Variants in AXDND1 observed in about 807,000 individuals in gnomAD.
AXDND1 encodes the protein axonemal dynein light chain domain containing 1, also known as axonemal dynein light chain domain-containing protein 1.
A neutral mutation model predicts 137.5 loss-of-function variants in AXDND1; 110 were observed. That is an observed-to-expected ratio of 0.80 (90% CI 0.69 to 0.94). The LOEUF (loss-of-function observed/expected upper bound fraction) is 0.94. Among genes scored for constraint, AXDND1 ranks in the 40% least tolerant of loss-of-function variants. The pLI is 0.00. For synonymous variants in AXDND1, 414 were observed against 399.7 expected (o/e 1.04, Z -0.43); for missense variants, 1,191 against 1,169.8 (o/e 1.02, Z -0.26).
intron 16 of AXDND1, among the ~76,000 whole-genome samples, chr1:179,465,738 G>C (rs550995370): frequency 6.6e-6 from 1 of 152,366 alleles, no homozygotes; most frequent in East Asian, 1.9e-4. Flanking sequence ...TGCAGAGGCA[G>C]GTGGGCCTCC....
At chr1:179,423,542 G>T (rs6425543) in intron 12 of AXDND1, among the ~76,000 whole-genome samples, 1 of 151,730 alleles carries the variant, frequency 6.6e-6, no homozygotes, top group Non-Finnish European at 1.5e-5. Flanking sequence ...TGATTAAGTG[G>T]TTATCTCTGA....
chr1:179,473,250 C>G (rs1404779162), intron 17 of AXDND1, among the ~76,000 whole-genome samples: 1 of 152,128 alleles, frequency 6.6e-6, no homozygotes, highest in African/African-American at 2.4e-5. Flanking sequence ...AATCCCAGCA[C>G]TTTGGGAGGC....
At chr1:179,458,323 T>G (rs1661717249) in intron 16 of AXDND1, among the ~76,000 whole-genome samples, 1 of 152,138 alleles carries the variant, frequency 6.6e-6, no homozygotes, top group Admixed American at 6.6e-5. Context: ...TAAGTTTTAT[T>G]TAAACTTTAA....
intron 16 of AXDND1, 116 bp from the exon 17 acceptor site, chr1:179,468,327 G>C: frequency 1.4e-6 from 1 of 701,730 alleles, no homozygotes; most frequent in Non-Finnish European, 2.3e-6. Context: ...CAAGCTGTAG[G>C]ATAATAAAAG....
At chr1:179,515,580 C>T (rs2125657636) in intron 21 of AXDND1, among the ~76,000 whole-genome samples, 1 of 152,208 alleles carries the variant, frequency 6.6e-6, no homozygotes, top group Middle Eastern at 3.4e-3. Flanking sequence ...ATGAATTTCC[C>T]AGGTGTTCTT....
chr1:179,422,655 G>A (rs374641239), intron 12 of AXDND1, among the ~76,000 whole-genome samples: 63 of 152,262 alleles, frequency 4.1e-4, no homozygotes, highest in African/African-American at 1.4e-3. Context: ...GGCCTATTAG[G>A]TCCAGTGTGT....
In AXDND1 at chr1:179,370,077, A is replaced by T; in HGVS notation, c.373A>T (p.Arg125Trp). 2 of 1,602,392 alleles carry T rather than the reference A, an allele frequency of 1.2e-6. No homozygotes were observed. The highest frequency in any genetic ancestry group is 1.7e-6 in the Non-Finnish European group (2 of 1,170,006). Residue 125 changes from arginine (R) to tryptophan (W), a missense_variant and splice_region_variant, in exon 4 of 26, where the codon AGG becomes TGG. Arg to Trp is a moderately radical substitution (Grantham distance 101). Coordinates refer to ENST00000367618, the MANE Select transcript of AXDND1 (RefSeq NM_144696.6). ...DHPVSLTGAG[R>W]DISFLYDVTY... is the part of the protein sequence containing the mutation. ...TCCCGTCTCCCTCACAGGAGCTGGA[A>T]GGTAAAGAAGGAAGATAGTAGGATA...
intron 16 of AXDND1, chr1:179,448,377 TA>T: frequency 1.5e-6 from 1 of 667,970 alleles, no homozygotes; most frequent in East Asian, 2.8e-5. Context: ...TCTCTCTTTG[TA>T]AAAGTGGCCT....
chr1:179,447,166 A>G (rs1289192282), intron 16 of AXDND1, among the ~76,000 whole-genome samples: 2 of 152,108 alleles, frequency 1.3e-5, no homozygotes, highest in Non-Finnish European at 2.9e-5. Flanking sequence ...TATTTGTTCT[A>G]TCTAAGTGTA....
chr1:179,369,998 C>CCGA lies in AXDND1; in HGVS notation c.295_296insGAC (p.Asp98_His99insArg). 1 of 1,613,968 alleles carries CCGA rather than the reference C, an allele frequency of 6.2e-7. No individual in the cohort carries two copies. On this transcript the variant is annotated inframe_insertion, in exon 4 of 26. Coordinates refer to ENST00000367618, the MANE Select transcript of AXDND1 (RefSeq NM_144696.6). ...AGGGCACTCTTCCACGCCTTGTAGACCATGTCTGGCATCACCCTGTTCGAA... is the reference window on the plus strand; with the variant it reads ...AGGGCACTCTTCCACGCCTTGTAGACCGACATGTCTGGCATCACCCTGTTCGAA...
At position 179,468,630 on chromosome 1, in the gene AXDND1, G is replaced by A. The variant is rs1305276804; in HGVS notation, c.1986G>A (p.Val662=). ...GTATTGTTCCACAGCACATAGATGT[G>A]GATTCTGTTTCGTAAGTTCCCATAG... ...LTGIVPQHID[V]DSVSVLQAYI... Residue 662 remains valine, a synonymous_variant, in exon 17 of 26, where the codon GTG becomes GTA. Transcript: ENST00000367618. The A allele has an allele frequency of 1.9e-6, 3 of 1,594,814 alleles. No homozygotes were observed. The African/African-American group carries it at 4.1e-5, about 22-fold the overall frequency.
Position 179,370,044 on chromosome 1 carries a change from A to G in AXDND1, c.340A>G (p.Ile114Val), listed in dbSNP as rs1248472299. Reference protein sequence around the residue: ...PVRRNKFKYLIDHPVSLTGAG... With the variant: ...PVRRNKFKYLVDHPVSLTGAG... ...TCGAAGGAATAAATTCAAATACCTG[A>G]TTGACCATCCCGTCTCCCTCACAGG... Residue 114 changes from isoleucine to valine, a missense_variant, in exon 4 of 26, where the codon ATT becomes GTT. Transcript: ENST00000367618. 1 of 1,613,890 alleles carries G rather than the reference A, an allele frequency of 6.2e-7. No individual in the cohort carries two copies. The highest frequency in any genetic ancestry group is 8.5e-7 in the Non-Finnish European group (1 of 1,179,840).
chr1:179,528,260 C>G, intron 22 of AXDND1, 67 bp from the exon 23 acceptor site: 1 of 1,107,930 alleles, frequency 9.0e-7, no homozygotes, highest in Admixed American at 1.9e-5. Flanking sequence ...AACTTGCTAC[C>G]GTGCCAGGAA....
intron 15 of AXDND1, among the ~76,000 whole-genome samples, chr1:179,439,955 CCTT>C (rs1301744442): frequency 6.6e-6 from 1 of 152,230 alleles, no homozygotes; most frequent in African/African-American, 2.4e-5. Flanking sequence ...TTTCCATTGT[CCTT>C]CTTCTGCAGA....
At chr1:179,376,877 T>G (rs1647346638) in intron 4 of AXDND1, among the ~76,000 whole-genome samples, 1 of 152,216 alleles carries the variant, frequency 6.6e-6, no homozygotes, top group Non-Finnish European at 1.5e-5. Context: ...ATTAATGAAT[T>G]TTGGGCACGT....
At chr1:179,430,098 A>G (rs1657152175) in intron 13 of AXDND1, among the ~76,000 whole-genome samples, 1 of 151,806 alleles carries the variant, frequency 6.6e-6, no homozygotes, top group Non-Finnish European at 1.5e-5. Flanking sequence ...AATAGATTAG[A>G]TATCATTGCC....
At chr1:179,400,180 C>T (rs978599400) in intron 11 of AXDND1, among the ~76,000 whole-genome samples, 2 of 152,010 alleles carry the variant, frequency 1.3e-5, no homozygotes, top group Non-Finnish European at 2.9e-5. Context: ...CCCAAATGCC[C>T]ATCAATCAAC....
At chr1:179,527,296 T>C (rs2125690877) in intron 22 of AXDND1, among the ~76,000 whole-genome samples, 1 of 152,252 alleles carries the variant, frequency 6.6e-6, no homozygotes, top group Non-Finnish European at 1.5e-5. Context: ...CTTGTGGCCA[T>C]TGTGGTTTTG....
intron 16 of AXDND1, among the ~76,000 whole-genome samples, chr1:179,461,947 T>C (rs1361489086): frequency 1.3e-5 from 2 of 152,224 alleles, no homozygotes; most frequent in Non-Finnish European, 2.9e-5. Flanking sequence ...GATTTTGGGC[T>C]GAGACAATGA....
Sources: gnomAD v4.1 joint callset for allele counts (sites outside exome capture counted in the v4.1 genomes callset) on GRCh38, gnomAD v4.1.1 for gene constraint, MANE v1.5 for transcripts, NCBI Gene and HGNC (gene_info 2026-07-23, HGNC 2026-07-21) for gene names.